HNRNPA2B1: variants seen among roughly 807,000 people sequenced by gnomAD.
The protein encoded by HNRNPA2B1 is heterogeneous nuclear ribonucleoprotein A2/B1.
In HNRNPA2B1, 3 loss-of-function variants were observed where a neutral mutation model predicts 46.3. The ratio of observed to expected loss-of-function variants is 0.06; its 90% CI spans 0.03 to 0.17. The LOEUF is 0.17. Among genes scored for constraint, HNRNPA2B1 ranks in the 10% least tolerant of loss-of-function variants. HNRNPA2B1 has a pLI of 1.00. For synonymous variants in HNRNPA2B1, 225 were observed against 133.8 expected, an observed-to-expected ratio of 1.68 and a Z score of -4.70; for missense variants, 221 against 418.9, an observed-to-expected ratio of 0.53 and a Z score of 4.12.
intron 7 of HNRNPA2B1, among the ~76,000 whole-genome samples, chr7:26,194,453 G>A (rs1783277033): frequency 6.6e-6 from 1 of 151,932 alleles, no homozygotes; most frequent in South Asian, 2.1e-4. Flanking sequence ...AATCCCAGCA[G>A]TACGGGAAGT....
intron 9 of HNRNPA2B1, 39 bp downstream of exon 9, chr7:26,193,212 A>G: frequency 1.3e-6 from 2 of 1,592,972 alleles, no homozygotes; most frequent in Non-Finnish European, 1.7e-6. Flanking sequence ...TAATCCTTTA[A>G]TCACAAAAAT....
Position 26,197,235 on chromosome 7 carries a change from C to G in HNRNPA2B1, c.264+80G>C, listed in dbSNP as rs931550415. ...TAAGAGAAAAAATCTTGAGTTAAAA[C>G]TAAATTCAGAAATAGTTTCTGATTT... is the stretch of plus-strand genomic sequence containing the variant. On this transcript the variant is annotated intron_variant, in intron 3 of 10. Coordinates refer to ENST00000618183, the MANE Select transcript of HNRNPA2B1 (RefSeq NM_002137.4). 3.4e-6 allele frequency: 5 copies of G among 1,469,790 alleles called. No homozygotes were observed. In the Admixed American group the frequency reaches 6.8e-5, roughly 20 times the overall value. 91.0% of individuals were successfully genotyped at this position (1,469,790 alleles called of 1,614,324 possible). A position where few individuals can be genotyped will look rare whatever the true frequency, so the allele number is the denominator to read the frequency against.
rs1783513257 is a variant in HNRNPA2B1, at chr7:26,195,763, A to C, written c.721+84T>G. On this transcript the variant is annotated intron_variant, in intron 7 of 10. Coordinates refer to ENST00000618183, the MANE Select transcript of HNRNPA2B1 (RefSeq NM_002137.4). ...ATAGACACTAATATAAAATGTTTAA[A>C]AACTCAAAATATAAATGAAGTAAAT... The C allele has an allele frequency of 1.0e-5, 15 of 1,463,214 alleles. No homozygotes were observed. The South Asian group carries it at 1.9e-4, about 19-fold the overall frequency. The allele number at this position is 1,463,214 out of a possible 1,614,324, so 90.6% of individuals were successfully genotyped here. A position where few individuals can be genotyped will look rare whatever the true frequency, so the allele number is the denominator to read the frequency against.
At chr7:26,193,719 A>G in intron 7 of HNRNPA2B1, 25 bp from the exon 8 acceptor site, 1 of 1,587,330 alleles carries the variant, frequency 6.3e-7, no homozygotes, top group East Asian at 2.2e-5. Flanking sequence ...GCCTTTAAGT[A>G]ATCACTTAAT....
intron 7 of HNRNPA2B1, among the ~76,000 whole-genome samples, chr7:26,195,510 A>T (rs1277544298): frequency 6.6e-6 from 1 of 152,144 alleles, no homozygotes; most frequent in Non-Finnish European, 1.5e-5. Context: ...TTTCCTACAT[A>T]TACCACCCCC....
At position 26,197,091 on chromosome 7, in the gene HNRNPA2B1, T is replaced by G. The variant is rs549152114; in HGVS notation, c.265-74A>C. 28 of 1,237,922 alleles carry G rather than the reference T, an allele frequency of 2.3e-5. No homozygotes were observed. In the South Asian group the frequency reaches 2.7e-4, roughly 12 times the overall value. 76.7% of individuals were successfully genotyped at this position (1,237,922 alleles called of 1,614,324 possible). A position where few individuals can be genotyped will look rare whatever the true frequency, so the allele number is the denominator to read the frequency against. ...CATAATTCAAAGCACCCAACCGTAG[T>G]ACCATACTTCGCTTGTATCCACCTT... On this transcript the variant is annotated intron_variant, in intron 3 of 10. Transcript: ENST00000618183.
rs1583971771 is a variant in HNRNPA2B1, at chr7:26,193,786, C to T, written c.722-92G>A. ...CATCCATTTCCAGCTTTCCAAGTTT[C>T]CATGTGAAATATTTAATGAAATTCC... On this transcript the variant is annotated intron_variant, in intron 7 of 10. Transcript: ENST00000618183. 3.7e-6 allele frequency: 4 copies of T among 1,084,210 alleles called. No homozygotes were observed. The South Asian group carries it at 4.2e-5, about 11-fold the overall frequency. 67.2% of individuals were successfully genotyped at this position (1,084,210 alleles called of 1,614,324 possible). A position where few individuals can be genotyped will look rare whatever the true frequency, so the allele number is the denominator to read the frequency against.
intron 1 of HNRNPA2B1, chr7:26,198,263 C>T (rs905712607): frequency 6.4e-6 from 1 of 157,178 alleles, no homozygotes; most frequent in African/African-American, 2.4e-5. Flanking sequence ...GGTGGTGATT[C>T]TAAGTATCTC....
At chr7:26,198,113 A>C (rs1037201334) in intron 1 of HNRNPA2B1, 1 of 353,968 alleles carries the variant, frequency 2.8e-6, no homozygotes, top group African/African-American at 2.1e-5. Context: ...CAAAAATTTC[A>C]ACCCTACAAC....
chr7:26,194,489 AG>A (rs1301337689), intron 7 of HNRNPA2B1, among the ~76,000 whole-genome samples: 1 of 151,980 alleles, frequency 6.6e-6, no homozygotes, highest in Non-Finnish European at 1.5e-5. Context: ...GCTTGAGCCC[AG>A]GAATTCAAGA....
intron 7 of HNRNPA2B1, among the ~76,000 whole-genome samples, chr7:26,194,354 C>A (rs778153157): frequency 2.0e-5 from 3 of 152,012 alleles, no homozygotes; most frequent in Non-Finnish European, 2.9e-5. Flanking sequence ...TGAGATCACA[C>A]CACTGCACTC....
intron 9 of HNRNPA2B1, 32 bp downstream of exon 9, chr7:26,193,219 A>G (rs1020318803): frequency 6.3e-7 from 1 of 1,599,540 alleles, no homozygotes; most frequent in Non-Finnish European, 8.5e-7. Flanking sequence ...TTAATCACAA[A>G]AATCTGAATA....
chr7:26,192,630 T>C (rs1783027190), intron 9 of HNRNPA2B1, 53 bp from the exon 10 acceptor site: 21 of 1,410,756 alleles, frequency 1.5e-5, no homozygotes, highest in Non-Finnish European at 2.1e-5. Context: ...TTTCCCATGA[T>C]CAGCCTAACA....
At chr7:26,197,931 TACACCA>T in intron 1 of HNRNPA2B1, 199 bp from the exon 2 acceptor site, 1 of 1,266,182 alleles carries the variant, frequency 7.9e-7, no homozygotes, top group South Asian at 1.4e-5. Context: ...TTAGTTGTGT[TACACCA>T]AAAAATTGCC....
intron 7 of HNRNPA2B1, among the ~76,000 whole-genome samples, chr7:26,195,216 C>T (rs1364778898): frequency 6.8e-6 from 1 of 147,508 alleles, no homozygotes; most frequent in Admixed American, 6.8e-5. Flanking sequence ...AAAAGTAGAA[C>T]AGTGAGATAC....
chr7:26,191,524 C>G lies in HNRNPA2B1; in HGVS notation c.*836G>C, dbSNP rs1782921169. ...TAGTTAAAGTTTTGTAGAAACAGCA[C>G]AGTTTTTTAAGACTGGCTGAACTTA... On this transcript the variant is annotated 3_prime_UTR_variant, in exon 11 of 11. Coordinates refer to ENST00000618183, the MANE Select transcript of HNRNPA2B1 (RefSeq NM_002137.4). 1 of 151,884 alleles carries G rather than the reference C, an allele frequency of 6.6e-6. No homozygotes were observed. Among genetic ancestry groups the G allele is most frequent in the Non-Finnish European group, 1.5e-5 (1 of 67,872 alleles). The allele number at this position is 151,884 out of a possible 1,614,324, so 9.4% of individuals were successfully genotyped here. A position where few individuals can be genotyped will look rare whatever the true frequency, so the allele number is the denominator to read the frequency against.
chr7:26,200,631 A>C lies in HNRNPA2B1; in HGVS notation c.-54T>G. The stretch of plus-strand genomic sequence containing the variant: ...CCCGCAGCCGAGCGAGATGAGAGAG[A>C]TCTCCGCGGACGAACACGAACCGGA... On this transcript the variant is annotated 5_prime_UTR_variant, in exon 1 of 11. Transcript: ENST00000618183. The C allele has an allele frequency of 1.9e-6, 3 of 1,612,548 alleles. No individual in the cohort carries two copies. The highest frequency in any genetic ancestry group is 2.5e-6 in the Non-Finnish European group (3 of 1,179,544).
At chr7:26,197,223 C>A (rs959136898) in intron 3 of HNRNPA2B1, 92 bp downstream of exon 3, 1 of 1,431,324 alleles carries the variant, frequency 7.0e-7, no homozygotes, top group Non-Finnish European at 9.5e-7. Context: ...GAGAAAAAAT[C>A]TTGAGTTAAA....
At chr7:26,198,693 T>A (rs1783972126) in intron 1 of HNRNPA2B1, 1 of 152,268 alleles carries the variant, frequency 6.6e-6, no homozygotes, top group Non-Finnish European at 1.5e-5. Flanking sequence ...CTTATGAATG[T>A]TAAGGAAACC....
Sources: allele counts gnomAD v4.1 joint callset (sites outside exome capture counted in the v4.1 genomes callset), GRCh38; gene constraint gnomAD v4.1.1; transcripts MANE v1.5; gene names NCBI Gene and HGNC (gene_info 2026-07-23, HGNC 2026-07-21).